CWF19L1: variants seen among roughly 807,000 people sequenced by gnomAD.
The protein encoded by CWF19L1 is CWF19-like protein 1.
CWF19L1 carries 60 observed loss-of-function variants against 69.7 expected under a neutral mutation model. The ratio of observed to expected loss-of-function variants is 0.86; its 90% CI spans 0.70 to 1.07. The LOEUF (loss-of-function observed/expected upper bound fraction) is 1.07. Among genes scored for constraint, CWF19L1 ranks in the 50% least tolerant of loss-of-function variants. The probability of loss-of-function intolerance (pLI) is 0.00; values close to 1 mark genes in which losing one functional copy is unlikely to be tolerated. For missense variants in CWF19L1, 591 were observed against 638.9 expected (o/e 0.92, Z 0.81); for synonymous variants, 209 against 222.2 (o/e 0.94, Z 0.53).
At chr10:100,249,877 T>C (rs1040712177) in intron 7 of CWF19L1, among the ~76,000 whole-genome samples, 12 of 152,336 alleles carry the variant, frequency 7.9e-5, no homozygotes, top group East Asian at 3.9e-4. Flanking sequence ...TGGGCCACCA[T>C]GCCCAGCTCT....
chr10:100,250,351 AC>A lies in CWF19L1; in HGVS notation c.624-20del. The stretch of plus-strand genomic sequence containing the variant: ...ATGGTTTCTACAACATATTTGAGAG[AC>A]AAAAAATTGCAAACAATTTTACTTT... On this transcript the variant is annotated intron_variant, in intron 6 of 13. Coordinates refer to ENST00000354105, the MANE Select transcript of CWF19L1 (RefSeq NM_018294.6). 6.5e-7 allele frequency: 1 copy of A among 1,540,484 alleles called. No individual in the cohort carries two copies. Among genetic ancestry groups the A allele is most frequent in the Non-Finnish European group, 9.0e-7 (1 of 1,114,508 alleles).
chr10:100,249,947 G>A (rs1846967748), intron 7 of CWF19L1, among the ~76,000 whole-genome samples: 1 of 152,208 alleles, frequency 6.6e-6, no homozygotes, highest in Non-Finnish European at 1.5e-5. Flanking sequence ...GCATCTGAGG[G>A]CAAATTCACA....
At chr10:100,266,035 C>T (rs141691951) in intron 1 of CWF19L1, among the ~76,000 whole-genome samples, 272 of 152,122 alleles carry the variant, frequency 1.8e-3, no homozygotes, top group African/African-American at 6.3e-3. Flanking sequence ...AGAACATAAC[C>T]CTGCTGTTAA....
Position 100,236,678 on chromosome 10 carries a change from G to A in CWF19L1, c.1374+172C>T, listed in dbSNP as rs1409427570. On this transcript the variant is annotated intron_variant, in intron 12 of 13. Coordinates refer to ENST00000354105, the MANE Select transcript of CWF19L1 (RefSeq NM_018294.6). ...CCAGCTACTGGGGAGGCTGAGGCAG[G>A]AGAATCACTTGAACCCGGAAGGCGG... 3.9e-5 allele frequency among the ~76,000 whole-genome samples: 6 copies of A among 152,206 alleles called. No individual in the cohort carries two copies. The East Asian group carries it at 7.7e-4, about 20-fold the overall frequency.
chr10:100,234,660 A>C (rs1417155837), intron 13 of CWF19L1, among the ~76,000 whole-genome samples: 2 of 152,304 alleles, frequency 1.3e-5, no homozygotes, highest in East Asian at 3.9e-4. Flanking sequence ...GGCTCACTCA[A>C]AGCCCATTTT....
intron 1 of CWF19L1, among the ~76,000 whole-genome samples, chr10:100,265,884 G>A (rs1847563464): frequency 6.6e-6 from 1 of 152,108 alleles, no homozygotes; most frequent in African/African-American, 2.4e-5. Context: ...TGTTACAATT[G>A]CCTACAGTAT....
chr10:100,245,225 G>A (rs984913985), intron 9 of CWF19L1, among the ~76,000 whole-genome samples: 1 of 151,976 alleles, frequency 6.6e-6, no homozygotes, highest in African/African-American at 2.4e-5. Flanking sequence ...GTTTCACTAT[G>A]TTGGCCAGAC....
At chr10:100,245,944 T>C in intron 8 of CWF19L1, 31 bp from the exon 9 acceptor site, 1 of 1,503,096 alleles carries the variant, frequency 6.7e-7, no homozygotes, top group Non-Finnish European at 9.3e-7. Context: ...AGATTAAATG[T>C]TATTCAACTA....
chr10:100,248,356 C>T, intron 7 of CWF19L1: 1 of 914,144 alleles, frequency 1.1e-6, no homozygotes, highest in Non-Finnish European at 1.8e-6. Flanking sequence ...AATGTGGATG[C>T]TGAGCAAAGA....
At chr10:100,263,509 C>T (rs1241303617) in intron 1 of CWF19L1, among the ~76,000 whole-genome samples, 3 of 152,154 alleles carry the variant, frequency 2.0e-5, no homozygotes, top group Admixed American at 1.3e-4. Context: ...TTTTGAGCAC[C>T]ACCTCCTCTA....
intron 7 of CWF19L1, 135 bp from the exon 8 acceptor site, chr10:100,247,070 C>T (rs1846850234): frequency 1.3e-6 from 1 of 759,352 alleles, no homozygotes; most frequent in Non-Finnish European, 2.0e-6. Context: ...CCAGCCCATC[C>T]ATAGCTCAGA....
At chr10:100,235,407 T>C (rs1846400825) in intron 13 of CWF19L1, among the ~76,000 whole-genome samples, 1 of 152,218 alleles carries the variant, frequency 6.6e-6, no homozygotes, top group African/African-American at 2.4e-5. Context: ...TTTGCCACTT[T>C]CATGAAGGCT....
chr10:100,264,070 G>T (rs888100547), intron 1 of CWF19L1, among the ~76,000 whole-genome samples: 1 of 152,122 alleles, frequency 6.6e-6, no homozygotes, highest in Non-Finnish European at 1.5e-5. Flanking sequence ...AATTCCTATC[G>T]CCTAGTGATG....
At chr10:100,251,886 G>C (rs200355560) in intron 6 of CWF19L1, among the ~76,000 whole-genome samples, 5 of 152,118 alleles carry the variant, frequency 3.3e-5, no homozygotes, top group Admixed American at 2.0e-4. Flanking sequence ...TGAGTGGCTT[G>C]TTCCCAAAAC....
rs1564846857 is a variant in CWF19L1, at chr10:100,233,018, TGC to T, written c.*207_*208del. ...AAAAAGTTTGCCAGGCATGGTAGCA[TGC>T]GCCTGTGGTCCCAGCTACTCATGAG... On this transcript the variant is annotated 3_prime_UTR_variant, in exon 14 of 14. Coordinates refer to ENST00000354105, the MANE Select transcript of CWF19L1 (RefSeq NM_018294.6). 1 of 382,978 alleles carries T rather than the reference TGC, an allele frequency of 2.6e-6. No homozygotes were observed. The highest frequency in any genetic ancestry group is 4.6e-6 in the Non-Finnish European group (1 of 218,560). The allele number at this position is 382,978 out of a possible 1,614,324, so 23.7% of individuals were successfully genotyped here. A position where few individuals can be genotyped will look rare whatever the true frequency, so the allele number is the denominator to read the frequency against.
In CWF19L1 at chr10:100,260,220, A is replaced by C; in HGVS notation, c.287T>G (p.Leu96Arg). 10 of 1,585,462 alleles carry C rather than the reference A, an allele frequency of 6.3e-6. No individual in the cohort carries two copies. Among genetic ancestry groups the C allele is most frequent in the Non-Finnish European group, 8.6e-6 (10 of 1,159,228 alleles). Residue 96 changes from leucine (L) to arginine (R), a missense_variant and splice_region_variant, in exon 4 of 14, where the codon CTG (leucine) becomes CGG (arginine). Physicochemically the swap from Leu to Arg is moderately radical, Grantham distance 102 (BLOSUM62 -2). This residue lies in a region of CWF19L1 where 129 missense variants were observed against 131.3 expected (regional missense o/e 0.98). Transcript: ENST00000354105. ...GCELAENITYLGRKGIFTGSS... is the reference protein window; with the variant it reads ...GCELAENITYRGRKGIFTGSS... ...AAATACAACAAGTATCAGCTTACCC[A>C]GATAAGTAATGTTTTCAGCTAATTC...
chr10:100,255,522 G>A (rs1847180541), intron 5 of CWF19L1, among the ~76,000 whole-genome samples: 1 of 152,136 alleles, frequency 6.6e-6, no homozygotes. Context: ...CAGCACTTTG[G>A]GAGGCCGAGG....
Position 100,260,993 on chromosome 10 carries a change from C to G in CWF19L1, c.160G>C (p.Glu54Gln), listed in dbSNP as rs750451585. ...TTCTTGATGCCAGTCTTATACTCCT[C>G]CCATTCAGCATCTTGGGTGGAGCCA... is the stretch of plus-strand genomic sequence containing the variant. ...FFGSTQDAEW[E>Q]EYKTGIKKAP... The change falls in exon 3 of 14, where the codon GAG becomes CAG. Residue 54 changes from glutamate (E) to glutamine (Q), a missense_variant. Glu to Gln is a conservative substitution (Grantham distance 29). Transcript: ENST00000354105. 4 of 1,612,094 alleles carry G rather than the reference C, an allele frequency of 2.5e-6. No homozygotes were observed. The highest frequency in any genetic ancestry group is 3.4e-6 in the Non-Finnish European group (4 of 1,178,582).
At chr10:100,259,390 G>A (rs1847318984) in intron 4 of CWF19L1, among the ~76,000 whole-genome samples, 1 of 151,944 alleles carries the variant, frequency 6.6e-6, no homozygotes, top group Non-Finnish European at 1.5e-5. Context: ...CCTAGAACCA[G>A]AAAAAGGAGA....
Sources: gnomAD v4.1 joint callset for allele counts (sites outside exome capture counted in the v4.1 genomes callset) on GRCh38, gnomAD v4.1.1 for gene constraint, gnomAD v4.1.1 regional missense constraint, MANE v1.5 for transcripts, NCBI Gene and HGNC (gene_info 2026-07-23, HGNC 2026-07-21) for gene names.